The following CAST variants were observed in gnomAD, a reference collection of about 807,000 sequenced individuals.
CAST encodes MIR583 host.
In CAST, 76 loss-of-function variants were observed where a neutral mutation model predicts 119.6. The ratio of observed to expected loss-of-function variants is 0.64; its 90% CI spans 0.53 to 0.77. The LOEUF (loss-of-function observed/expected upper bound fraction) is 0.77, where lower values mean the gene tolerates loss of function less well. Among genes scored for constraint, CAST ranks in the 30% least tolerant of loss-of-function variants. The pLI, the probability that CAST is intolerant of heterozygous loss-of-function variation, is 0.00. For synonymous variants in CAST, 319 were observed against 331.6 expected (o/e 0.96, Z 0.41); for missense variants, 953 against 946.5 (o/e 1.01, Z -0.09).
chr5:96,188,216 T>C, the CAST span, among the ~76,000 whole-genome samples: 1 of 152,228 alleles, frequency 6.6e-6, no homozygotes, highest in Non-Finnish European at 1.5e-5. Context: ...TATAGGAAGA[T>C]TATAGAAAGA....
At chr5:96,111,585 G>C in the CAST span, among the ~76,000 whole-genome samples, 1 of 152,146 alleles carries the variant, frequency 6.6e-6, no homozygotes, top group East Asian at 1.9e-4. Context: ...GTTGGAAGTG[G>C]CTTATTATGA....
the CAST span, among the ~76,000 whole-genome samples, chr5:96,415,631 A>T: frequency 6.6e-6 from 1 of 152,176 alleles, no homozygotes; most frequent in African/African-American, 2.4e-5. Flanking sequence ...TTAAATTTTG[A>T]AGCTGTTCTT....
chr5:96,211,375 GCTCAT>G, the CAST span, among the ~76,000 whole-genome samples: 2 of 151,908 alleles, frequency 1.3e-5, no homozygotes, highest in African/African-American at 2.4e-5. Context: ...TTTTTCAAGT[GCTCAT>G]TCTCAAGTGG....
chr5:96,399,432 T>C, the CAST span, among the ~76,000 whole-genome samples: 1 of 152,274 alleles, frequency 6.6e-6, no homozygotes, highest in South Asian at 2.1e-4. Flanking sequence ...AAAACACTCC[T>C]AGTAGAAATT....
At chr5:96,645,302 A>G (rs1748001112) in intron 1 of CAST, among the ~76,000 whole-genome samples, 1 of 152,124 alleles carries the variant, frequency 6.6e-6, no homozygotes, top group Admixed American at 6.5e-5. Context: ...CACATTCCAC[A>G]TGAGATCCAC....
chr5:96,432,023 C>A, the CAST span: 7 of 1,241,056 alleles, frequency 5.6e-6, no homozygotes, highest in Non-Finnish European at 6.8e-6. Flanking sequence ...TACCTATCGA[C>A]CAAGCCTTCA....
chr5:96,066,677 A>G, the CAST span, among the ~76,000 whole-genome samples: 1 of 151,960 alleles, frequency 6.6e-6, no homozygotes, highest in Non-Finnish European at 1.5e-5. Context: ...AAATTTTTTT[A>G]GAGACAAGAT....
At chr5:96,082,197 C>T in the CAST span, among the ~76,000 whole-genome samples, 1 of 152,198 alleles carries the variant, frequency 6.6e-6, no homozygotes, top group Non-Finnish European at 1.5e-5. Context: ...CAGGTGTGAG[C>T]CACCACACCC....
At chr5:96,267,723 A>G in the CAST span, among the ~76,000 whole-genome samples, 2 of 152,220 alleles carry the variant, frequency 1.3e-5, no homozygotes, top group African/African-American at 4.8e-5. Flanking sequence ...GTGCAAAAAT[A>G]AAACATTTGG....
chr5:95,968,782 C>T, the CAST span, among the ~76,000 whole-genome samples: 1 of 152,060 alleles, frequency 6.6e-6, no homozygotes, highest in African/African-American at 2.4e-5. Context: ...ATATTGGGAA[C>T]GTTTGCTTTT....
intron 9 of CAST, among the ~76,000 whole-genome samples, chr5:96,731,952 G>A (rs1316718285): frequency 2.0e-5 from 3 of 152,152 alleles, no homozygotes; most frequent in Admixed American, 6.5e-5. Context: ...GAATAATGCC[G>A]CAGTAAACAT....
At chr5:96,317,474 C>T in the CAST span, among the ~76,000 whole-genome samples, 1 of 57,844 alleles carries the variant, frequency 1.7e-5, no homozygotes. Context: ...GAGACTCCAT[C>T]TCAAAAAAAA....
chr5:96,105,086 G>A, the CAST span, among the ~76,000 whole-genome samples: 2 of 135,914 alleles, frequency 1.5e-5, no homozygotes, highest in African/African-American at 2.8e-5. Flanking sequence ...CATTGATTTT[G>A]TATCCTGAGA....
chr5:96,254,816 AAAAATTTCT>A, the CAST span, among the ~76,000 whole-genome samples: 1 of 152,132 alleles, frequency 6.6e-6, no homozygotes. Context: ...AGGGTTTTAA[AAAAATTTCT>A]GTCTTTAAGA....
chr5:96,282,150 G>A, the CAST span, among the ~76,000 whole-genome samples: 14,930 of 133,652 alleles, frequency 0.11, 887 homozygotes, highest in East Asian at 0.25. Flanking sequence ...TCCTCCAGGA[G>A]AAAAGCTATG....
intron 1 of CAST, among the ~76,000 whole-genome samples, chr5:96,596,204 A>G (rs1285516856): frequency 6.6e-6 from 1 of 152,212 alleles, no homozygotes; most frequent in Non-Finnish European, 1.5e-5. Flanking sequence ...TTAGCCAGGT[A>G]GGCCCAATAC....
At chr5:96,459,545 G>A in the CAST span, among the ~76,000 whole-genome samples, 2 of 152,160 alleles carry the variant, frequency 1.3e-5, no homozygotes, top group Non-Finnish European at 2.9e-5. Flanking sequence ...AAAAAATTAA[G>A]TATAGTAATT....
chr5:96,332,314 G>A, the CAST span, among the ~76,000 whole-genome samples: 1 of 152,072 alleles, frequency 6.6e-6, no homozygotes. Context: ...GTTGCCCCTT[G>A]TTTGGGAGTA....
the CAST span, among the ~76,000 whole-genome samples, chr5:95,982,719 G>T: frequency 3.9e-5 from 6 of 152,170 alleles, no homozygotes; most frequent in Admixed American, 6.5e-5. Context: ...TTCATATCCA[G>T]ACTATGATCC....
Sources: allele counts gnomAD v4.1 joint callset (sites outside exome capture counted in the v4.1 genomes callset), GRCh38; gene constraint gnomAD v4.1.1; transcripts MANE v1.5; gene names NCBI Gene and HGNC (gene_info 2026-07-23, HGNC 2026-07-21).